The following CENPP variants were observed in gnomAD, a reference collection of about 807,000 sequenced individuals.
CENPP encodes centromere protein P.
In CENPP, 24 loss-of-function variants were observed where a neutral mutation model predicts 35.6. The ratio of observed to expected loss-of-function variants is 0.67; its 90% CI spans 0.49 to 0.95. CENPP has a LOEUF of 0.95. Among genes scored for constraint, CENPP ranks in the 40% least tolerant of loss-of-function variants. The pLI, the probability that CENPP is intolerant of heterozygous loss-of-function variation, is 0.00. For missense variants in CENPP, 332 were observed against 345.3 expected (o/e 0.96, Z 0.31); for synonymous variants, 120 against 125.5 (o/e 0.96, Z 0.29).
At chr9:92,385,811 CATT>C in intron 5 of CENPP, 1 of 1,613,110 alleles carries the variant, frequency 6.2e-7, no homozygotes, top group South Asian at 1.1e-5. Flanking sequence ...ACGAGGAAAA[CATT>C]GTTCAGAAAT....
intron 5 of CENPP, among the ~76,000 whole-genome samples, chr9:92,423,265 A>G (rs1843868867): frequency 6.6e-6 from 1 of 152,164 alleles, no homozygotes; most frequent in South Asian, 2.1e-4. Flanking sequence ...AAAGTAATAT[A>G]TATATATTAC....
At chr9:92,416,594 C>T in intron 5 of CENPP, 9 of 1,370,598 alleles carry the variant, frequency 6.6e-6, no homozygotes, top group Non-Finnish European at 9.0e-6. Flanking sequence ...TTTCTCTCTT[C>T]AAAACACAAT....
At position 92,616,094 on chromosome 9, in the gene CENPP, C is replaced by T; in HGVS notation, c.*2945C>T. 1 of 1,438,130 alleles carries T rather than the reference C, an allele frequency of 7.0e-7. No homozygotes were observed. Among genetic ancestry groups the T allele is most frequent in the Non-Finnish European group, 9.7e-7 (1 of 1,032,120 alleles). The allele number at this position is 1,438,130 out of a possible 1,614,324, so 89.1% of individuals were successfully genotyped here. ...AAGTACCATTTCAGGATACACAAGCCCCCCATTCATTTCCCTCCCTCCCGT... is the reference window on the plus strand; with the variant it reads ...AAGTACCATTTCAGGATACACAAGCTCCCCATTCATTTCCCTCCCTCCCGT... On this transcript the variant is annotated 3_prime_UTR_variant, in exon 8 of 8. Coordinates refer to ENST00000375587, the MANE Select transcript of CENPP (RefSeq NM_001012267.3).
At chr9:92,360,401 C>CA (rs1315253614) in intron 4 of CENPP, among the ~76,000 whole-genome samples, 2 of 152,096 alleles carry the variant, frequency 1.3e-5, no homozygotes, top group Non-Finnish European at 2.9e-5. Context: ...CCTATCTCTA[C>CA]AAAAACAACA....
chr9:92,514,360 C>T (rs755203548), intron 5 of CENPP, among the ~76,000 whole-genome samples: 2 of 151,500 alleles, frequency 1.3e-5, no homozygotes, highest in African/African-American at 4.9e-5. Context: ...CTGCAACCTC[C>T]GCCTCCTGGA....
At chr9:92,470,851 A>G in intron 5 of CENPP, 1 of 953,034 alleles carries the variant, frequency 1.0e-6, no homozygotes, top group Non-Finnish European at 1.6e-6. Context: ...TATGGTAGAA[A>G]TATACATTTT....
chr9:92,410,892 C>T (rs909263829), intron 5 of CENPP, among the ~76,000 whole-genome samples: 2 of 152,208 alleles, frequency 1.3e-5, no homozygotes, highest in African/African-American at 4.8e-5. Context: ...GAAAGAGACA[C>T]TTAAACTAAA....
chr9:92,587,606 T>C (rs950691461), intron 5 of CENPP, among the ~76,000 whole-genome samples: 3 of 152,250 alleles, frequency 2.0e-5, no homozygotes, highest in African/African-American at 7.2e-5. Flanking sequence ...GGTTACATAT[T>C]GTATGATTCC....
Position 92,337,639 on chromosome 9 carries a change from GA to G in CENPP, c.378+12del. On this transcript the variant is annotated intron_variant, in intron 3 of 7. Transcript: ENST00000375587. ...GATTCTGGAAATTCAGGTAAATTAA[GA>G]AGCATGTTGTGATAACAGAGATACT... 1 of 1,503,182 alleles carries G rather than the reference GA, an allele frequency of 6.7e-7. No individual in the cohort carries two copies. Among genetic ancestry groups the G allele is most frequent in the Non-Finnish European group, 9.3e-7 (1 of 1,079,110 alleles). The allele number at this position is 1,503,182 out of a possible 1,614,324, so 93.1% of individuals were successfully genotyped here.
intron 5 of CENPP, among the ~76,000 whole-genome samples, chr9:92,559,354 G>T (rs936394015): frequency 2.0e-5 from 3 of 152,262 alleles, no homozygotes; most frequent in African/African-American, 4.8e-5. Flanking sequence ...TCAGCTCCGG[G>T]TAAAATCGGA....
chr9:92,453,602 G>T (rs1844781960), intron 5 of CENPP, among the ~76,000 whole-genome samples: 1 of 152,116 alleles, frequency 6.6e-6, no homozygotes, highest in African/African-American at 2.4e-5. Flanking sequence ...GAGTTCTGTA[G>T]ATGTCTATTA....
chr9:92,606,070 G>A (rs1447604966), intron 5 of CENPP, among the ~76,000 whole-genome samples: 1 of 152,052 alleles, frequency 6.6e-6, no homozygotes, highest in African/African-American at 2.4e-5. Context: ...AGACCAGCCT[G>A]GGCAACATGG....
intron 5 of CENPP, among the ~76,000 whole-genome samples, chr9:92,460,926 C>A (rs377344190): frequency 6.6e-6 from 1 of 151,774 alleles, no homozygotes; most frequent in Non-Finnish European, 1.5e-5. Flanking sequence ...TGATCCACCC[C>A]CCTCGGCCTC....
At chr9:92,504,892 A>AC (rs1357405881) in intron 5 of CENPP, among the ~76,000 whole-genome samples, 1 of 151,742 alleles carries the variant, frequency 6.6e-6, no homozygotes, top group Non-Finnish European at 1.5e-5. Context: ...TCAGCCAAAG[A>AC]CCCCCAGGAG....
chr9:92,432,180 C>G (rs1474946621), intron 5 of CENPP, among the ~76,000 whole-genome samples: 3 of 152,050 alleles, frequency 2.0e-5, no homozygotes, highest in Non-Finnish European at 4.4e-5. Flanking sequence ...TAAAAATTAG[C>G]TGGGCGTGGT....
At chr9:92,425,656 AT>A (rs1843946800) in intron 5 of CENPP, among the ~76,000 whole-genome samples, 2 of 152,326 alleles carry the variant, frequency 1.3e-5, no homozygotes, top group Admixed American at 1.3e-4. Flanking sequence ...CACAAGATTT[AT>A]TTTGTTAAAC....
At chr9:92,591,503 T>A (rs2131918) in intron 5 of CENPP, among the ~76,000 whole-genome samples, 1 of 151,054 alleles carries the variant, frequency 6.6e-6, no homozygotes, top group African/African-American at 2.4e-5. Context: ...TGTGTGTCAA[T>A]CCTAACTCAA....
intron 5 of CENPP, among the ~76,000 whole-genome samples, chr9:92,429,765 T>A (rs1844057309): frequency 6.6e-6 from 1 of 150,966 alleles, no homozygotes; most frequent in Admixed American, 6.6e-5. Flanking sequence ...CTGACCTGGG[T>A]GACAAGAACG....
intron 5 of CENPP, among the ~76,000 whole-genome samples, chr9:92,542,552 A>G (rs542145394): frequency 1.3e-5 from 2 of 148,912 alleles, no homozygotes; most frequent in East Asian, 4.0e-4. Flanking sequence ...TCATATAGCT[A>G]TAGCTCCAGG....
Sources: gnomAD v4.1 joint callset for allele counts (sites outside exome capture counted in the v4.1 genomes callset) on GRCh38, gnomAD v4.1.1 for gene constraint, MANE v1.5 for transcripts, NCBI Gene and HGNC (gene_info 2026-07-23, HGNC 2026-07-21) for gene names.